The following EBF1 variants were observed in gnomAD, a reference collection of about 807,000 sequenced individuals.
The protein encoded by EBF1 is EBF transcription factor 1.
A neutral mutation model predicts 68.4 loss-of-function variants in EBF1; 10 were observed. The ratio of observed to expected loss-of-function variants is 0.15; its 90% CI spans 0.09 to 0.25. The LOEUF is 0.25. EBF1 is among the 10% of genes least tolerant of loss of function. EBF1 has a pLI of 1.00. For synonymous variants in EBF1, 298 were observed against 299.8 expected, an observed-to-expected ratio of 0.99 and a Z score of 0.06; for missense variants, 509 against 794.4, an observed-to-expected ratio of 0.64 and a Z score of 4.32.
chr5:158,968,397 C>T (rs753212402), intron 6 of EBF1, among the ~76,000 whole-genome samples: 4 of 152,116 alleles, frequency 2.6e-5, no homozygotes, highest in South Asian at 2.1e-4. Flanking sequence ...CTGCCACTGC[C>T]GGCAAATTAA....
At chr5:159,089,841 GA>G (rs1022190577) in intron 4 of EBF1, among the ~76,000 whole-genome samples, 1 of 150,032 alleles carries the variant, frequency 6.7e-6, no homozygotes. Flanking sequence ...GAAAAGAAAA[GA>G]AAAAGGAAGA....
intron 10 of EBF1, among the ~76,000 whole-genome samples, chr5:158,763,836 T>C (rs763984475): frequency 9.9e-5 from 15 of 152,202 alleles, no homozygotes; most frequent in Non-Finnish European, 1.9e-4. Flanking sequence ...TGTAAGCAAA[T>C]ACATCCTGTG....
intron 6 of EBF1, among the ~76,000 whole-genome samples, chr5:158,915,966 C>T (rs1292062671): frequency 1.3e-5 from 2 of 152,156 alleles, no homozygotes; most frequent in Non-Finnish European, 2.9e-5. Flanking sequence ...TCTGGTTTTA[C>T]TGATTCGCAA....
At chr5:158,754,123 T>A (rs998366752) in intron 10 of EBF1, among the ~76,000 whole-genome samples, 1 of 152,108 alleles carries the variant, frequency 6.6e-6, no homozygotes, top group Admixed American at 6.6e-5. Flanking sequence ...CTTCTATTAG[T>A]CAAAACTGTA....
At chr5:159,053,735 C>A (rs1463167390) in intron 6 of EBF1, among the ~76,000 whole-genome samples, 2 of 152,050 alleles carry the variant, frequency 1.3e-5, no homozygotes, top group Non-Finnish European at 2.9e-5. Context: ...TATATGTACC[C>A]CGGAATAAAA....
At chr5:158,950,948 C>A (rs761245292) in intron 6 of EBF1, among the ~76,000 whole-genome samples, 7 of 152,154 alleles carry the variant, frequency 4.6e-5, no homozygotes, top group Non-Finnish European at 7.3e-5. Flanking sequence ...GTTGGTAGAC[C>A]TTCTGACTTT....
At chr5:159,047,431 A>G (rs1010804701) in intron 6 of EBF1, among the ~76,000 whole-genome samples, 2 of 152,190 alleles carry the variant, frequency 1.3e-5, no homozygotes, top group African/African-American at 4.8e-5. Flanking sequence ...TTGCAGAGAC[A>G]CCAATCTGGA....
intron 6 of EBF1, among the ~76,000 whole-genome samples, chr5:158,841,330 T>C (rs1790300116): frequency 6.6e-6 from 1 of 152,204 alleles, no homozygotes; most frequent in African/African-American, 2.4e-5. Context: ...CATTCATGTC[T>C]ACCACCTGTA....
chr5:158,845,900 T>C (rs954829962), intron 6 of EBF1, among the ~76,000 whole-genome samples: 2 of 152,194 alleles, frequency 1.3e-5, no homozygotes, highest in Non-Finnish European at 2.9e-5. Context: ...TTAATTATTA[T>C]GTAAAGCATT....
At chr5:159,067,504 T>C (rs1463835802) in intron 6 of EBF1, among the ~76,000 whole-genome samples, 1 of 152,258 alleles carries the variant, frequency 6.6e-6, no homozygotes, top group East Asian at 1.9e-4. Context: ...GTAAAAGTAC[T>C]TTGCATTATG....
At chr5:158,867,667 T>G (rs1796178396) in intron 6 of EBF1, among the ~76,000 whole-genome samples, 1 of 152,126 alleles carries the variant, frequency 6.6e-6, no homozygotes, top group East Asian at 1.9e-4. Flanking sequence ...TGCCTTAGTT[T>G]GCGGGAAGAA....
chr5:158,740,113 A>C lies in EBF1; in HGVS notation c.1037-8956T>G. On this transcript the variant is annotated intron_variant, in intron 10 of 15. Coordinates refer to ENST00000313708, the MANE Select transcript of EBF1 (RefSeq NM_024007.5). ...ACTGGAACTTGAACACGCACCAGGG[A>C]AAGTATTTTAGATAAATACTGTCAG... Among the ~76,000 whole-genome samples the C allele has an allele frequency of 1.3e-5, 2 of 152,340 alleles. 1 individual carries two copies. Among genetic ancestry groups the C allele is most frequent in the Middle Eastern group, 6.8e-3 (2 of 294 alleles).
chr5:158,940,432 T>C (rs371371151), intron 6 of EBF1, among the ~76,000 whole-genome samples: 1 of 152,144 alleles, frequency 6.6e-6, no homozygotes, highest in Non-Finnish European at 1.5e-5. Flanking sequence ...TCTTTTCTAA[T>C]GTTCTGAAGG....
Position 159,099,650 on chromosome 5 carries a change from T to C in EBF1, c.-172A>G, listed in dbSNP as rs1240405053. 1 of 843,688 alleles carries C rather than the reference T, an allele frequency of 1.2e-6. No homozygotes were observed. Among genetic ancestry groups the C allele is most frequent in the Non-Finnish European group, 1.7e-6 (1 of 601,628 alleles). The allele number at this position is 843,688 out of a possible 1,614,324, so 52.3% of individuals were successfully genotyped here. Reference sequence around the variant, plus strand: ...AGATCAAGGCGGGCTGGAAAGCAAATTTTTAAAAAATGTAAACCTCTGCTC... The same window carrying C: ...AGATCAAGGCGGGCTGGAAAGCAAACTTTTAAAAAATGTAAACCTCTGCTC... On this transcript the variant is annotated 5_prime_UTR_variant, in exon 1 of 16. Transcript: ENST00000313708.
intron 10 of EBF1, among the ~76,000 whole-genome samples, chr5:158,765,884 A>G (rs1772549078): frequency 1.3e-5 from 2 of 152,196 alleles, no homozygotes; most frequent in African/African-American, 4.8e-5. Flanking sequence ...AACTCATACC[A>G]AGGATTGCAC....
chr5:159,099,302 C>T (rs756707206), intron 1 of EBF1, 43 bp downstream of exon 1: 2 of 1,430,048 alleles, frequency 1.4e-6, no homozygotes, highest in Non-Finnish European at 1.8e-6. Flanking sequence ...CCGGCTCTCC[C>T]GCTCGCGGCT....
chr5:158,708,907 A>G (rs1758513779), intron 14 of EBF1, among the ~76,000 whole-genome samples: 1 of 152,238 alleles, frequency 6.6e-6, no homozygotes, highest in Non-Finnish European at 1.5e-5. Flanking sequence ...AGCCTTACAT[A>G]AATACTCACA....
chr5:158,728,705 G>A (rs1277737492), intron 11 of EBF1, among the ~76,000 whole-genome samples: 1 of 152,028 alleles, frequency 6.6e-6, no homozygotes, highest in Non-Finnish European at 1.5e-5. Context: ...CTTGGACTAC[G>A]TGCACACACC....
At chr5:158,900,469 G>A (rs1803062782) in intron 6 of EBF1, among the ~76,000 whole-genome samples, 1 of 152,180 alleles carries the variant, frequency 6.6e-6, no homozygotes, top group Admixed American at 6.5e-5. Flanking sequence ...TTCTCTCTAG[G>A]CAGTTCTGAT....
Sources: gnomAD v4.1 joint callset for allele counts (sites outside exome capture counted in the v4.1 genomes callset) on GRCh38, gnomAD v4.1.1 for gene constraint, MANE v1.5 for transcripts, NCBI Gene and HGNC (gene_info 2026-07-23, HGNC 2026-07-21) for gene names.